The following PARD3B variants were observed in gnomAD, a reference collection of about 807,000 sequenced individuals.
PARD3B encodes par-3 family cell polarity regulator beta.
PARD3B carries 103 observed loss-of-function variants against 130.2 expected under a neutral mutation model. That is an observed-to-expected ratio of 0.79 (90% CI 0.67 to 0.93). PARD3B has a LOEUF of 0.93. Ranked by LOEUF, PARD3B falls within the 40% of genes least tolerant of loss-of-function variation. The pLI is 0.00. For missense variants in PARD3B, 1,609 were observed against 1,499.2 expected, an observed-to-expected ratio of 1.07 and a Z score of -1.21; for synonymous variants, 583 against 553.2, an observed-to-expected ratio of 1.05 and a Z score of -0.76.
intron 19 of PARD3B, among the ~76,000 whole-genome samples, chr2:205,401,993 G>A (rs2046269255): frequency 6.6e-6 from 1 of 152,110 alleles, no homozygotes; most frequent in South Asian, 2.1e-4. Flanking sequence ...GACCATTCTT[G>A]TATTGATTTT....
chr2:205,136,031 A>G (rs552056546), intron 10 of PARD3B, among the ~76,000 whole-genome samples: 6 of 152,316 alleles, frequency 3.9e-5, no homozygotes, highest in East Asian at 3.9e-4. Flanking sequence ...ATGGCAGGAT[A>G]TTCAATTATA....
intron 3 of PARD3B, among the ~76,000 whole-genome samples, chr2:205,038,877 T>G (rs1235380569): frequency 6.6e-6 from 1 of 152,196 alleles, no homozygotes; most frequent in African/African-American, 2.4e-5. Context: ...TCTTTTCTAA[T>G]GGACTCATAT....
intron 18 of PARD3B, among the ~76,000 whole-genome samples, chr2:205,353,631 C>G (rs2044072678): frequency 6.6e-6 from 1 of 152,146 alleles, no homozygotes. Flanking sequence ...GGTGATATGA[C>G]TGAAACCTTT....
At chr2:204,745,965 A>G (rs960550747) in intron 2 of PARD3B, among the ~76,000 whole-genome samples, 2 of 150,816 alleles carry the variant, frequency 1.3e-5, no homozygotes, top group African/African-American at 2.4e-5. Context: ...AACATGTAAT[A>G]TAGCAGGATT....
chr2:204,568,097 T>C (rs982358253), intron 1 of PARD3B, among the ~76,000 whole-genome samples: 2 of 152,230 alleles, frequency 1.3e-5, no homozygotes, highest in African/African-American at 4.8e-5. Flanking sequence ...AATAACCTTT[T>C]AGACTTGAGA....
At chr2:204,656,451 G>A (rs2035643530) in intron 1 of PARD3B, among the ~76,000 whole-genome samples, 1 of 152,122 alleles carries the variant, frequency 6.6e-6, no homozygotes, top group African/African-American at 2.4e-5. Context: ...ACTTGTTTTA[G>A]TGTCATTTTC....
chr2:205,050,465 G>T (rs1232261954), intron 4 of PARD3B, among the ~76,000 whole-genome samples: 1 of 151,748 alleles, frequency 6.6e-6, no homozygotes. Context: ...GGAATGTTTA[G>T]ATCTACAGTG....
At chr2:204,553,046 A>C (rs2030581070) in intron 1 of PARD3B, among the ~76,000 whole-genome samples, 1 of 152,086 alleles carries the variant, frequency 6.6e-6, no homozygotes, top group Non-Finnish European at 1.5e-5. Flanking sequence ...CAATGAACTC[A>C]AACAAATTAG....
chr2:205,495,150 A>G (rs1308904154), intron 20 of PARD3B, among the ~76,000 whole-genome samples: 1 of 152,226 alleles, frequency 6.6e-6, no homozygotes, highest in Non-Finnish European at 1.5e-5. Context: ...GAAGAAAATG[A>G]CATGGTTTCT....
intron 5 of PARD3B, among the ~76,000 whole-genome samples, chr2:205,113,095 C>A (rs1703755812): frequency 6.6e-6 from 1 of 152,130 alleles, no homozygotes; most frequent in Non-Finnish European, 1.5e-5. Flanking sequence ...TATGCTGAAG[C>A]ATCGATGTGC....
intron 1 of PARD3B, among the ~76,000 whole-genome samples, chr2:204,683,241 TA>T (rs1433030007): frequency 6.6e-6 from 1 of 152,226 alleles, no homozygotes; most frequent in African/African-American, 2.4e-5. Flanking sequence ...ATATTAGAGA[TA>T]TTTTCAAAAT....
intron 2 of PARD3B, among the ~76,000 whole-genome samples, chr2:204,820,493 T>C (rs993852977): frequency 6.6e-6 from 1 of 152,018 alleles, no homozygotes; most frequent in African/African-American, 2.4e-5. Flanking sequence ...CTGACTCTCT[T>C]GTTAGGGATT....
intron 22 of PARD3B, among the ~76,000 whole-genome samples, chr2:205,615,225 G>A (rs777867292): frequency 6.6e-5 from 10 of 152,206 alleles, no homozygotes; most frequent in Admixed American, 3.3e-4. Flanking sequence ...CCCATAGCAC[G>A]TGGTTTTCAC....
At chr2:204,826,590 CA>C (rs1293634885) in intron 2 of PARD3B, among the ~76,000 whole-genome samples, 76 of 152,116 alleles carry the variant, frequency 5.0e-4, no homozygotes, top group Non-Finnish European at 2.9e-5. Flanking sequence ...GATAGCTATC[CA>C]AAAAATTGCT....
At chr2:204,794,848 C>G (rs1331486319) in intron 2 of PARD3B, among the ~76,000 whole-genome samples, 1 of 152,028 alleles carries the variant, frequency 6.6e-6, no homozygotes, top group Non-Finnish European at 1.5e-5. Context: ...CATGTGGTTT[C>G]TTTCCTTGAT....
rs1699380602 is a variant in PARD3B at position 205,053,535 on chromosome 2, G to A, written c.504+5845G>A. Among the ~76,000 whole-genome samples the A allele has an allele frequency of 1.3e-5, 2 of 151,824 alleles. 1 individual carries two copies. Among genetic ancestry groups the A allele is most frequent in the South Asian group, 4.2e-4 (2 of 4,808 alleles). ...TGTGCCTGTAATCCCAAGCACTTGA[G>A]AGGCTGAGGCAGGACAATCGCTTGA... On this transcript the variant is annotated intron_variant, in intron 4 of 22. Coordinates refer to ENST00000406610, the MANE Select transcript of PARD3B (RefSeq NM_001302769.2).
chr2:204,586,875 A>G (rs193031138), intron 1 of PARD3B, among the ~76,000 whole-genome samples: 2 of 152,328 alleles, frequency 1.3e-5, no homozygotes, highest in African/African-American at 4.8e-5. Context: ...AAAAATGCTT[A>G]TGACTAAACC....
chr2:204,711,691 A>G (rs1295528346), intron 2 of PARD3B, among the ~76,000 whole-genome samples: 1 of 151,968 alleles, frequency 6.6e-6, no homozygotes, highest in African/African-American at 2.4e-5. Flanking sequence ...GACCACAGGC[A>G]TGCACCACCA....
At chr2:204,686,920 G>A (rs1156753087) in intron 2 of PARD3B, among the ~76,000 whole-genome samples, 11 of 152,082 alleles carry the variant, frequency 7.2e-5, no homozygotes, top group African/African-American at 1.2e-4. Flanking sequence ...CAATACACAC[G>A]ATTATTGCTG....
Sources: gnomAD v4.1 joint callset for allele counts (sites outside exome capture counted in the v4.1 genomes callset) on GRCh38, gnomAD v4.1.1 for gene constraint, MANE v1.5 for transcripts, NCBI Gene and HGNC (gene_info 2026-07-23, HGNC 2026-07-21) for gene names.